Variants in PRKCB observed in about 807,000 individuals in gnomAD.
PRKCB encodes protein kinase C beta type.
In PRKCB, 13 loss-of-function variants were observed where a neutral mutation model predicts 81.5. The observed-to-expected ratio is 0.16, with a 90% CI of 0.10 to 0.25. The LOEUF (loss-of-function observed/expected upper bound fraction) is 0.25. Among genes scored for constraint, PRKCB ranks in the 10% least tolerant of loss-of-function variants. The probability of loss-of-function intolerance (pLI) is 1.00; values close to 1 mark genes in which losing one functional copy is unlikely to be tolerated. For synonymous variants in PRKCB, 335 were observed against 321.4 expected (o/e 1.04, Z -0.45); for missense variants, 509 against 875.7 (o/e 0.58, Z 5.29).
At chr16:24,176,681 T>C (rs958640769) in intron 12 of PRKCB, among the ~76,000 whole-genome samples, 2 of 152,068 alleles carry the variant, frequency 1.3e-5, no homozygotes, top group African/African-American at 4.8e-5. Flanking sequence ...TTGCCTGAGG[T>C]CAGGAGTTGG....
intron 2 of PRKCB, among the ~76,000 whole-genome samples, chr16:23,952,484 GA>G (rs1199677800): frequency 1.3e-5 from 2 of 152,192 alleles, no homozygotes; most frequent in African/African-American, 4.8e-5. Context: ...TAAAAGAGAT[GA>G]GGGGGTGTTT....
chr16:23,908,695 TTTTTTTTTG>T (rs2141730482), intron 2 of PRKCB, among the ~76,000 whole-genome samples: 1 of 151,092 alleles, frequency 6.6e-6, no homozygotes, highest in South Asian at 2.1e-4. Flanking sequence ...CCAGCTAATT[TTTTTTTTTG>T]TATTTTTAGT....
intron 5 of PRKCB, among the ~76,000 whole-genome samples, chr16:24,058,093 C>T (rs1200239367): frequency 1.3e-5 from 2 of 152,108 alleles, no homozygotes; most frequent in African/African-American, 2.4e-5. Flanking sequence ...TTTTTCCTTC[C>T]TTCTTGCACT....
intron 3 of PRKCB, among the ~76,000 whole-genome samples, chr16:24,010,640 A>C (rs1596510102): frequency 6.6e-6 from 1 of 152,208 alleles, no homozygotes; most frequent in South Asian, 2.1e-4. Flanking sequence ...GTTAGGAGTC[A>C]GTGGCTATAG....
intron 3 of PRKCB, among the ~76,000 whole-genome samples, chr16:24,009,885 T>G (rs973148944): frequency 1.3e-5 from 2 of 151,856 alleles, no homozygotes; most frequent in African/African-American, 2.4e-5. Flanking sequence ...CATGATGGTT[T>G]TTGTATCTGT....
At chr16:24,164,606 G>A (rs896499036) in intron 10 of PRKCB, among the ~76,000 whole-genome samples, 6 of 152,122 alleles carry the variant, frequency 3.9e-5, no homozygotes, top group African/African-American at 1.4e-4. Context: ...ACGTAGAAAC[G>A]TCCTGTAGCC....
At chr16:24,109,660 T>C (rs1185370956) in intron 7 of PRKCB, among the ~76,000 whole-genome samples, 1 of 125,266 alleles carries the variant, frequency 8.0e-6, no homozygotes, top group Non-Finnish European at 1.6e-5. Context: ...ACATCCCAGA[T>C]GATGGGTGGC....
chr16:24,048,040 C>T (rs775042065), intron 5 of PRKCB, among the ~76,000 whole-genome samples: 6 of 152,220 alleles, frequency 3.9e-5, no homozygotes, highest in African/African-American at 1.4e-4. Context: ...TGCTAGCCAT[C>T]GTGGGGCACA....
At position 24,112,960 on chromosome 16, in the gene PRKCB, T is replaced by C. The variant is rs1966693424; in HGVS notation, c.822-13T>C. 10 of 1,584,380 alleles carry C rather than the reference T, an allele frequency of 6.3e-6. No individual in the cohort carries two copies. Among genetic ancestry groups the C allele is most frequent in the Non-Finnish European group, 7.8e-6 (9 of 1,161,246 alleles). On this transcript the variant is annotated splice_polypyrimidine_tract_variant and intron_variant, in intron 7 of 16. Transcript: ENST00000643927. ...AGTCATGAAATGTGTCCCACCCCCT[T>C]GTCTCCCTTCAGGTTTAAGTTACTG...
At chr16:24,142,496 T>C (rs1175424491) in intron 9 of PRKCB, among the ~76,000 whole-genome samples, 1 of 152,192 alleles carries the variant, frequency 6.6e-6, no homozygotes, top group Non-Finnish European at 1.5e-5. Context: ...CCTGATGGCC[T>C]CTAGCCAGCT....
intron 5 of PRKCB, among the ~76,000 whole-genome samples, chr16:24,071,909 C>T (rs1165819825): frequency 1.3e-5 from 2 of 152,004 alleles, no homozygotes; most frequent in East Asian, 1.9e-4. Context: ...CTGGAGGGGT[C>T]GTCGGCATCA....
chr16:24,087,027 T>C (rs1411103973), intron 5 of PRKCB, among the ~76,000 whole-genome samples: 5 of 152,260 alleles, frequency 3.3e-5, no homozygotes, highest in Non-Finnish European at 5.9e-5. Context: ...TAGCATTTTC[T>C]CTACTAATGT....
At chr16:24,077,947 A>G (rs1966201756) in intron 5 of PRKCB, among the ~76,000 whole-genome samples, 1 of 152,208 alleles carries the variant, frequency 6.6e-6, no homozygotes, top group Non-Finnish European at 1.5e-5. Flanking sequence ...GTTTCTCTAG[A>G]GAAGGGAAGT....
chr16:24,124,073 G>A, intron 9 of PRKCB, 92 bp downstream of exon 9: 2 of 1,421,750 alleles, frequency 1.4e-6, no homozygotes, highest in Non-Finnish European at 2.0e-6. Flanking sequence ...ACGTCCTAGT[G>A]GGAGAGAGAG....
chr16:23,935,020 C>A (rs1344400911), intron 2 of PRKCB, among the ~76,000 whole-genome samples: 6 of 152,162 alleles, frequency 3.9e-5, no homozygotes, highest in Admixed American at 2.6e-4. Flanking sequence ...TTGCTTGGGG[C>A]AGCAGGCACA....
intron 2 of PRKCB, among the ~76,000 whole-genome samples, chr16:23,925,280 C>T (rs1963880747): frequency 1.3e-5 from 2 of 152,072 alleles, no homozygotes; most frequent in South Asian, 4.1e-4. Context: ...ATGGGGTCCC[C>T]ATCCTCTGCC....
At chr16:23,967,940 C>A (rs527700382) in intron 2 of PRKCB, among the ~76,000 whole-genome samples, 39 of 152,316 alleles carry the variant, frequency 2.6e-4, no homozygotes, top group East Asian at 9.6e-4. Flanking sequence ...TAGGCGTGAG[C>A]CACTGCGCCG....
At chr16:24,115,583 C>CGAAGAGT (rs1361034514) in intron 8 of PRKCB, among the ~76,000 whole-genome samples, 1 of 151,244 alleles carries the variant, frequency 6.6e-6, no homozygotes, top group Admixed American at 6.6e-5. Flanking sequence ...AGCATTTATC[C>CGAAGAGT]GAAGAGTATT....
chr16:24,180,230 A>C (rs1348354364), intron 12 of PRKCB, among the ~76,000 whole-genome samples: 1 of 152,196 alleles, frequency 6.6e-6, no homozygotes, highest in Non-Finnish European at 1.5e-5. Flanking sequence ...GGCGTGAGCC[A>C]ATGTGCCCTG....
Sources: allele counts gnomAD v4.1 joint callset (sites outside exome capture counted in the v4.1 genomes callset), GRCh38; gene constraint gnomAD v4.1.1; transcripts MANE v1.5; gene names NCBI Gene and HGNC (gene_info 2026-07-23, HGNC 2026-07-21).